Variants in SRCIN1 observed in about 807,000 individuals in gnomAD.
SRCIN1 encodes P130Cas-associated protein.
Under a neutral mutation model 116.2 loss-of-function variants are expected in SRCIN1, and 50 were observed. The observed-to-expected ratio is 0.43, with a 90% CI of 0.34 to 0.54. The LOEUF is 0.54. SRCIN1 is among the 20% of genes least tolerant of loss of function. The pLI is 0.02. For synonymous variants in SRCIN1, 736 were observed against 750.0 expected, an observed-to-expected ratio of 0.98 and a Z score of 0.30; for missense variants, 1,446 against 1,672.0, an observed-to-expected ratio of 0.86 and a Z score of 2.36.
In SRCIN1 at chr17:38,552,313, G is replaced by A; in HGVS notation, c.2480+134C>T. Reference sequence around the variant, plus strand: ...GGTCTACAGCATGCAGGGGTCACAGGGCAGAGCTGAGGTGCCAGTCCAGTC... The same window carrying A: ...GGTCTACAGCATGCAGGGGTCACAGAGCAGAGCTGAGGTGCCAGTCCAGTC... On this transcript the variant is annotated intron_variant, in intron 13 of 18. Transcript: ENST00000617146. This position sits in a 1 kb window ranked among gnomAD's most constrained non-coding sequence, Gnocchi z 5.3. 1 of 1,424,060 alleles carries A rather than the reference G, an allele frequency of 7.0e-7. No homozygotes were observed. Among genetic ancestry groups the A allele is most frequent in the Non-Finnish European group, 9.4e-7 (1 of 1,069,448 alleles). 88.2% of individuals were successfully genotyped at this position (1,424,060 alleles called of 1,614,324 possible).
chr17:38,551,472 C>T (rs1290151689), intron 14 of SRCIN1, 83 bp from the exon 15 acceptor site: 12 of 1,195,056 alleles, frequency 1.0e-5, no homozygotes, highest in Non-Finnish European at 1.3e-5. Flanking sequence ...CCCCAAGCCA[C>T]GTAGGCAAGG....
Position 38,560,038 on chromosome 17 carries a change from G to C in SRCIN1, c.1837+16C>G. 6.5e-7 allele frequency: 1 copy of C among 1,542,440 alleles called. No individual in the cohort carries two copies. Among genetic ancestry groups the C allele is most frequent in the South Asian group, 1.2e-5 (1 of 84,078 alleles). ...CTCGGAGAGAACAAGGATGGGGGAGGGGGAGGTTCACTCACGTGCTGAGGG... is the reference window on the plus strand; with the variant it reads ...CTCGGAGAGAACAAGGATGGGGGAGCGGGAGGTTCACTCACGTGCTGAGGG... On this transcript the variant is annotated intron_variant, in intron 9 of 18. Coordinates refer to ENST00000617146, the MANE Select transcript of SRCIN1 (RefSeq NM_025248.3).
chr17:38,549,045 G>A lies in SRCIN1; in HGVS notation c.3117+11C>T, dbSNP rs1905233959. 1.2e-6 allele frequency: 2 copies of A among 1,613,176 alleles called. No homozygotes were observed. The highest frequency in any genetic ancestry group is 2.2e-5 in the East Asian group (1 of 44,824). On this transcript the variant is annotated intron_variant, in intron 16 of 18. Coordinates refer to ENST00000617146, the MANE Select transcript of SRCIN1 (RefSeq NM_025248.3). The stretch of plus-strand genomic sequence containing the variant: ...AGTCCCCTGGCCCTCTGTCTGAGGT[G>A]GGAGTGGTACCTTGATGAAGGCCGA...
At chr17:38,564,080 C>T in intron 4 of SRCIN1, 38 bp downstream of exon 4, 1 of 1,565,006 alleles carries the variant, frequency 6.4e-7, no homozygotes, top group South Asian at 1.2e-5. Context: ...GAGGGAGGAG[C>T]CTGTGTGGGG....
chr17:38,595,994 T>C (rs1372841678), intron 1 of SRCIN1, among the ~76,000 whole-genome samples: 1 of 149,316 alleles, frequency 6.7e-6, no homozygotes, highest in Non-Finnish European at 1.5e-5. Context: ...GGGAGGAGCA[T>C]CTGACTACGG....
chr17:38,577,995 G>T (rs899825914), intron 2 of SRCIN1, among the ~76,000 whole-genome samples: 1 of 152,156 alleles, frequency 6.6e-6, no homozygotes, highest in Non-Finnish European at 1.5e-5. Flanking sequence ...CTCCATTCTT[G>T]CAGGCTGCAG....
At chr17:38,607,005 C>G (rs537050960), upstream of SRCIN1, among the ~76,000 whole-genome samples, 1 of 152,292 alleles carries the variant, frequency 6.6e-6, no homozygotes, top group East Asian at 1.9e-4. Flanking sequence ...CTTCTATTCA[C>G]TGTGGGCCAT....
In SRCIN1 at chr17:38,535,262, A is replaced by G. The variant is rs1463413050; in HGVS notation, c.3418-1831T>C. Among the ~76,000 whole-genome samples, 4 of 141,758 alleles carry G rather than the reference A, an allele frequency of 2.8e-5. No individual in the cohort carries two copies. In the East Asian group the frequency reaches 6.1e-4, roughly 22 times the overall value. 93.0% of individuals were successfully genotyped at this position (141,758 alleles called of 152,430 possible). A position where few individuals can be genotyped will look rare whatever the true frequency, so the allele number is the denominator to read the frequency against. ...TTGCTCTTGTTGTCCAGGCTGGAGTACAATGGCGCAATCTTGGCTCACGGC... is the reference window on the plus strand; with the variant it reads ...TTGCTCTTGTTGTCCAGGCTGGAGTGCAATGGCGCAATCTTGGCTCACGGC... On this transcript the variant is annotated intron_variant, in intron 18 of 18. Coordinates refer to ENST00000617146, the MANE Select transcript of SRCIN1 (RefSeq NM_025248.3).
chr17:38,591,937 G>A (rs1908463657), intron 1 of SRCIN1, among the ~76,000 whole-genome samples: 1 of 152,246 alleles, frequency 6.6e-6, no homozygotes, highest in South Asian at 2.1e-4. Context: ...TCTGGCTAGT[G>A]GCCTGAGGCC....
chr17:38,564,860 A>G (rs2143218606), intron 3 of SRCIN1, among the ~76,000 whole-genome samples: 1 of 152,002 alleles, frequency 6.6e-6, no homozygotes, highest in Middle Eastern at 3.4e-3. Context: ...GGACACAGGG[A>G]ATGTGCCTGA....
intron 16 of SRCIN1, 122 bp downstream of exon 16, chr17:38,548,934 C>T (rs1396113740): frequency 7.6e-7 from 1 of 1,311,998 alleles, no homozygotes; most frequent in Non-Finnish European, 1.0e-6. Context: ...CGGCCACTCC[C>T]TCTTTCCTTC....
In SRCIN1 at chr17:38,605,875, G is replaced by C. The variant is rs1435297496; in HGVS notation, c.-170C>G. 1 of 148,778 alleles carries C rather than the reference G, an allele frequency of 6.7e-6. No individual in the cohort carries two copies. The highest frequency in any genetic ancestry group is 2.5e-5 in the African/African-American group (1 of 40,670). The allele number at this position is 148,778 out of a possible 1,614,324, so 9.2% of individuals were successfully genotyped here. A position where few individuals can be genotyped will look rare whatever the true frequency, so the allele number is the denominator to read the frequency against. On this transcript the variant is annotated 5_prime_UTR_variant, in exon 1 of 19. Coordinates refer to ENST00000617146, the MANE Select transcript of SRCIN1 (RefSeq NM_025248.3). ...ACCAGCTGGGAGGGCGCCGGCGGCC[G>C]GGCGTGTGGGTGAGCGCGCGCGCGG...
intron 18 of SRCIN1, among the ~76,000 whole-genome samples, chr17:38,534,954 G>A (rs1310977974): frequency 1.3e-5 from 2 of 151,896 alleles, no homozygotes; most frequent in East Asian, 1.9e-4. Flanking sequence ...GCGAGACCTC[G>A]TCTCTACTAA....
chr17:38,603,511 G>A (rs1031769033), intron 1 of SRCIN1, among the ~76,000 whole-genome samples: 4 of 152,146 alleles, frequency 2.6e-5, no homozygotes, highest in Non-Finnish European at 5.9e-5. Context: ...GAGCTCCAGG[G>A]CACAGACAGT....
chr17:38,580,420 C>G (rs1372553087), intron 1 of SRCIN1, among the ~76,000 whole-genome samples: 1 of 152,102 alleles, frequency 6.6e-6, no homozygotes, highest in African/African-American at 2.4e-5. Flanking sequence ...GCATGAGAGC[C>G]GCAGCTCACC....
rs1908087548 is a variant in SRCIN1 at position 38,585,891 on chromosome 17, G to GGGCTCCTGCCT, written c.23-7111_23-7101dup. On this transcript the variant is annotated intron_variant, in intron 1 of 18. Transcript: ENST00000617146. This position sits in a 1 kb window ranked among gnomAD's most constrained non-coding sequence, Gnocchi z 4.2. ...AGCTGGACTGAGGATTGGAGACAGG[G>GGGCTCCTGCCT]GGCTCCTGCCTAGCTCCTGGCACAG... 1.3e-5 allele frequency among the ~76,000 whole-genome samples: 2 copies of GGGCTCCTGCCT among 152,128 alleles called. No homozygotes were observed. Among genetic ancestry groups the GGGCTCCTGCCT allele is most frequent in the African/African-American group, 4.8e-5 (2 of 41,408 alleles).
chr17:38,575,878 C>A (rs1036017171), intron 2 of SRCIN1, among the ~76,000 whole-genome samples: 2 of 152,178 alleles, frequency 1.3e-5, no homozygotes, highest in Non-Finnish European at 2.9e-5. Context: ...CTCATTCTCT[C>A]ATTCATTCCA....
intron 18 of SRCIN1, among the ~76,000 whole-genome samples, chr17:38,540,939 T>A (rs1347455810): frequency 6.6e-6 from 1 of 152,128 alleles, no homozygotes; most frequent in African/African-American, 2.4e-5. Flanking sequence ...TACTTTACTG[T>A]TGAAAATTTC....
chr17:38,594,802 G>A (rs1908635107), intron 1 of SRCIN1, among the ~76,000 whole-genome samples: 1 of 152,126 alleles, frequency 6.6e-6, no homozygotes, highest in African/African-American at 2.4e-5. Context: ...CAAGTCCAAT[G>A]CTCCAGGCTG....
Sources: allele counts gnomAD v4.1 joint callset (sites outside exome capture counted in the v4.1 genomes callset), GRCh38; gene constraint gnomAD v4.1.1; non-coding constraint Gnocchi (gnomAD v3.1); transcripts MANE v1.5; gene names NCBI Gene and HGNC (gene_info 2026-07-23, HGNC 2026-07-21).